The following MICU1 variants were observed in gnomAD, a reference collection of about 807,000 sequenced individuals.
The protein encoded by MICU1 is mitochondrial calcium uptake 1.
Under a neutral mutation model 56.8 loss-of-function variants are expected in MICU1, and 45 were observed. The observed-to-expected ratio is 0.79, with a 90% confidence interval of 0.62 to 1.02. MICU1 has a LOEUF of 1.02. Ranked by LOEUF, MICU1 falls within the 50% of genes least tolerant of loss-of-function variation. MICU1 has a pLI of 0.00. For synonymous variants in MICU1, 186 were observed against 195.1 expected, an observed-to-expected ratio of 0.95 and a Z score of 0.39; for missense variants, 504 against 587.1, an observed-to-expected ratio of 0.86 and a Z score of 1.46.
intron 8 of MICU1, among the ~76,000 whole-genome samples, chr10:72,466,779 T>G (rs1475985325): frequency 2.0e-5 from 3 of 152,042 alleles, no homozygotes; most frequent in African/African-American, 7.3e-5. Context: ...AGGAAAGGAG[T>G]TGAGGCATGT....
In MICU1 at chr10:72,602,437, C is replaced by T. The variant is rs368616383; in HGVS notation, c.-2+23573G>A. Among the ~76,000 whole-genome samples, 5 of 151,086 alleles carry T rather than the reference C, an allele frequency of 3.3e-5. No homozygotes were observed. The South Asian group carries it at 6.3e-4, about 19-fold the overall frequency. ...CTGTACTCCAGCCTGGGCAACAAAG[C>T]GAGATTCTGTCTCAAAAAAAAAAAA... On this transcript the variant is annotated intron_variant, in intron 1 of 11. Coordinates refer to ENST00000361114, the MANE Select transcript of MICU1 (RefSeq NM_001195518.2).
chr10:72,502,640 C>G (rs1212107336), intron 6 of MICU1, among the ~76,000 whole-genome samples: 1 of 152,284 alleles, frequency 6.6e-6, no homozygotes, highest in East Asian at 1.9e-4. Flanking sequence ...AAAGATTTTC[C>G]CTAGGGTATT....
intron 10 of MICU1, among the ~76,000 whole-genome samples, chr10:72,377,410 A>G (rs1862560895): frequency 6.6e-6 from 1 of 152,118 alleles, no homozygotes; most frequent in African/African-American, 2.4e-5. Context: ...GTGAGCCACC[A>G]CACTCAGCGG....
chr10:72,524,157 C>G (rs1867901984), intron 5 of MICU1, among the ~76,000 whole-genome samples: 1 of 152,214 alleles, frequency 6.6e-6, no homozygotes, highest in Non-Finnish European at 1.5e-5. Flanking sequence ...GGGTCTCACT[C>G]TGTCACCCAG....
intron 8 of MICU1, among the ~76,000 whole-genome samples, chr10:72,447,398 A>G (rs1865138208): frequency 6.6e-6 from 1 of 152,188 alleles, no homozygotes; most frequent in Non-Finnish European, 1.5e-5. Flanking sequence ...CTATACAGAT[A>G]TATATTATTG....
At chr10:72,571,934 T>C (rs1840620702) in intron 1 of MICU1, among the ~76,000 whole-genome samples, 1 of 151,412 alleles carries the variant, frequency 6.6e-6, no homozygotes, top group Non-Finnish European at 1.5e-5. Context: ...CACATATTAA[T>C]ATCTAATTGC....
At chr10:72,368,508 C>T (rs186715545) in intron 11 of MICU1, among the ~76,000 whole-genome samples, 153 bp from the exon 12 acceptor site, 9 of 152,300 alleles carry the variant, frequency 5.9e-5, no homozygotes, top group African/African-American at 2.2e-4. Context: ...TTAGTTTATT[C>T]CTTCCTCGAT....
chr10:72,449,673 A>G (rs1244772111), intron 8 of MICU1, among the ~76,000 whole-genome samples: 3 of 152,128 alleles, frequency 2.0e-5, no homozygotes, highest in Non-Finnish European at 2.9e-5. Flanking sequence ...TTTAAAAGCA[A>G]CTTAAGAAAC....
chr10:72,527,071 T>C (rs1389505548), intron 5 of MICU1, among the ~76,000 whole-genome samples: 1 of 152,210 alleles, frequency 6.6e-6, no homozygotes, highest in Non-Finnish European at 1.5e-5. Flanking sequence ...ATATATCCCA[T>C]ATTTTCTTTC....
intron 3 of MICU1, among the ~76,000 whole-genome samples, chr10:72,559,353 T>A (rs560795313): frequency 6.6e-6 from 1 of 152,160 alleles, no homozygotes; most frequent in Non-Finnish European, 1.5e-5. Flanking sequence ...GTAAATGCAA[T>A]ATTAAAACTT....
rs1366785069 is a variant in MICU1 at position 72,403,671 on chromosome 10, T to G, written c.1180+4258A>C. Among the ~76,000 whole-genome samples the G allele has an allele frequency of 6.5e-5, 5 of 77,234 alleles. No individual in the cohort carries two copies. In the East Asian group the frequency reaches 1.3e-3, roughly 20 times the overall value. The allele number at this position is 77,234 out of a possible 152,430, so 50.7% of individuals were successfully genotyped here. A position where few individuals can be genotyped will look rare whatever the true frequency, so the allele number is the denominator to read the frequency against. On this transcript the variant is annotated intron_variant, in intron 10 of 11. Coordinates refer to ENST00000361114, the MANE Select transcript of MICU1 (RefSeq NM_001195518.2). The stretch of plus-strand genomic sequence containing the variant: ...TGTGTGTGTGTGTGTGTGTGTGTGT[T>G]TTGAGACGGAGTCTCGCTCTGTTGC...
intron 8 of MICU1, among the ~76,000 whole-genome samples, chr10:72,435,318 T>C (rs1864672387): frequency 6.9e-6 from 1 of 145,318 alleles, no homozygotes; most frequent in African/African-American, 2.6e-5. Flanking sequence ...AGTCCAGGAG[T>C]TCAAGGCTGC....
chr10:72,405,576 CAAA>C (rs60182582), intron 10 of MICU1, among the ~76,000 whole-genome samples: 1 of 129,666 alleles, frequency 7.7e-6, no homozygotes, highest in African/African-American at 3.0e-5. Context: ...AAAGACATTA[CAAA>C]AAAAAAAAAA....
chr10:72,375,401 G>C (rs1356538611), intron 11 of MICU1, among the ~76,000 whole-genome samples: 1 of 152,196 alleles, frequency 6.6e-6, no homozygotes, highest in Non-Finnish European at 1.5e-5. Flanking sequence ...CAACTGGCTG[G>C]AATGTGCCCT....
intron 1 of MICU1, among the ~76,000 whole-genome samples, chr10:72,617,896 T>C (rs1842019291): frequency 6.6e-6 from 1 of 152,168 alleles, no homozygotes; most frequent in South Asian, 2.1e-4. Context: ...CTGGCCGCAG[T>C]GGCTTACGCC....
At chr10:72,522,199 T>C (rs1469593278) in intron 5 of MICU1, among the ~76,000 whole-genome samples, 1 of 152,084 alleles carries the variant, frequency 6.6e-6, no homozygotes, top group Non-Finnish European at 1.5e-5. Context: ...TATGTGACCT[T>C]AAGCATGCTA....
intron 5 of MICU1, among the ~76,000 whole-genome samples, chr10:72,512,362 C>G (rs1167958142): frequency 1.3e-5 from 2 of 152,070 alleles, no homozygotes; most frequent in African/African-American, 4.8e-5. Flanking sequence ...CCACCTTGGC[C>G]TCTCAAAGTG....
intron 1 of MICU1, among the ~76,000 whole-genome samples, chr10:72,603,457 T>C (rs1276425924): frequency 6.6e-6 from 1 of 151,840 alleles, no homozygotes; most frequent in East Asian, 1.9e-4. Context: ...CTGGACAATA[T>C]GTGCCCAAGG....
intron 5 of MICU1, among the ~76,000 whole-genome samples, chr10:72,526,252 A>C (rs1395021435): frequency 1.3e-5 from 2 of 152,236 alleles, no homozygotes; most frequent in Non-Finnish European, 2.9e-5. Context: ...GTGTGAAAGG[A>C]TATGAAATGT....
Sources: gnomAD v4.1 joint callset for allele counts (sites outside exome capture counted in the v4.1 genomes callset) on GRCh38, gnomAD v4.1.1 for gene constraint, MANE v1.5 for transcripts, NCBI Gene and HGNC (gene_info 2026-07-23, HGNC 2026-07-21) for gene names.